Variants in STAT4 observed in about 807,000 individuals in gnomAD.
STAT4 encodes the protein signal transducer and activator of transcription 4.
A neutral mutation model predicts 110.5 loss-of-function variants in STAT4; 42 were observed. The ratio of observed to expected loss-of-function variants is 0.38; its 90% CI spans 0.30 to 0.49. The LOEUF (loss-of-function observed/expected upper bound fraction) is 0.49, where lower values mean the gene tolerates loss of function less well. Among genes scored for constraint, STAT4 ranks in the 20% least tolerant of loss-of-function variants. The pLI, the probability that STAT4 is intolerant of heterozygous loss-of-function variation, is 0.95. For synonymous variants in STAT4, 284 were observed against 302.2 expected (o/e 0.94, Z 0.63); for missense variants, 632 against 887.9 (o/e 0.71, Z 3.66).
At chr2:191,106,040 G>T (rs533323491) in intron 3 of STAT4, among the ~76,000 whole-genome samples, 5 of 152,196 alleles carry the variant, frequency 3.3e-5, no homozygotes, top group Admixed American at 3.3e-4. Flanking sequence ...TGGCTTTTCT[G>T]TTACTAAGGA....
At position 191,043,577 on chromosome 2, in the gene STAT4, C is replaced by T. The variant is rs775588462; in HGVS notation, c.1252-2429G>A. Among the ~76,000 whole-genome samples the T allele has an allele frequency of 6.6e-6, 1 of 151,930 alleles. No individual in the cohort carries two copies. The highest frequency in any genetic ancestry group is 2.4e-5 in the African/African-American group (1 of 41,360). ...GTTGAATCATCTGATTCTGACTCAT[C>T]TGCTACCAAATATATATAGGTCAAA... On this transcript the variant is annotated intron_variant, in intron 14 of 23. Coordinates refer to ENST00000392320, the MANE Select transcript of STAT4 (RefSeq NM_003151.4). This position sits in a 1 kb window ranked among gnomAD's most constrained non-coding sequence, Gnocchi z 4.8.
At position 191,146,601 on chromosome 2, in the gene STAT4, A is replaced by T; in HGVS notation, c.273+12T>A. ...TATCCAAATATTTTGGAAAAGTAGA[A>T]TGCATTCTTACCTGAAGGACCTTCC... On this transcript the variant is annotated intron_variant, in intron 3 of 23. Coordinates refer to ENST00000392320, the MANE Select transcript of STAT4 (RefSeq NM_003151.4). The surrounding 1 kb of genome is among the most constrained non-coding windows in gnomAD (Gnocchi z 4.5). 1 of 1,491,628 alleles carries T rather than the reference A, an allele frequency of 6.7e-7. No individual in the cohort carries two copies. The highest frequency in any genetic ancestry group is 1.4e-5 in the South Asian group (1 of 69,808). The allele number at this position is 1,491,628 out of a possible 1,614,324, so 92.4% of individuals were successfully genotyped here.
At position 191,035,126 on chromosome 2, in the gene STAT4, G is replaced by C. The variant is rs908566018; in HGVS notation, c.1571-529C>G. On this transcript the variant is annotated intron_variant, in intron 17 of 23. Coordinates refer to ENST00000392320, the MANE Select transcript of STAT4 (RefSeq NM_003151.4). This position sits in a 1 kb window ranked among gnomAD's most constrained non-coding sequence, Gnocchi z 4.7. ...TTTTGATCCAGAGCAGTGAAAGGAT[G>C]CAAGAGTTTCCATCTAAATTTTTAA... Among the ~76,000 whole-genome samples the C allele has an allele frequency of 6.6e-6, 1 of 152,188 alleles. No homozygotes were observed. Among genetic ancestry groups the C allele is most frequent in the Non-Finnish European group, 1.5e-5 (1 of 68,024 alleles).
Position 191,113,202 on chromosome 2 carries a change from C to T in STAT4, c.273+33411G>A, listed in dbSNP as rs188466853. Among the ~76,000 whole-genome samples the T allele has an allele frequency of 2.5e-4, 38 of 152,334 alleles. No homozygotes were observed. The highest frequency in any genetic ancestry group is 7.5e-4 in the African/African-American group (31 of 41,578). On this transcript the variant is annotated intron_variant, in intron 3 of 23. Coordinates refer to ENST00000392320, the MANE Select transcript of STAT4 (RefSeq NM_003151.4). This position sits in a 1 kb window ranked among gnomAD's most constrained non-coding sequence, Gnocchi z 4.8. ...CCAGTGCTGGCAGACATTACTGGTGCCACTCATTCATTTGTTCCACAAATT... is the reference window on the plus strand; with the variant it reads ...CCAGTGCTGGCAGACATTACTGGTGTCACTCATTCATTTGTTCCACAAATT...
intron 1 of STAT4, among the ~76,000 whole-genome samples, chr2:191,149,078 C>T (rs530060420): frequency 6.6e-6 from 1 of 152,286 alleles, no homozygotes; most frequent in East Asian, 1.9e-4. Flanking sequence ...ATTAGTATGA[C>T]GCTGCCTCCT....
Position 191,053,020 on chromosome 2 carries a change from T to A in STAT4, c.1251+1470A>T, listed in dbSNP as rs1051936453. The stretch of plus-strand genomic sequence containing the variant: ...AGGCTATGATGTTTGGCAAATGATC[T>A]TTAAGACACAATTAAGGGAATGAAG... On this transcript the variant is annotated intron_variant, in intron 14 of 23. Coordinates refer to ENST00000392320, the MANE Select transcript of STAT4 (RefSeq NM_003151.4). This position sits in a 1 kb window ranked among gnomAD's most constrained non-coding sequence, Gnocchi z 4.5. 3.3e-5 allele frequency among the ~76,000 whole-genome samples: 5 copies of A among 152,194 alleles called. No individual in the cohort carries two copies. The highest frequency in any genetic ancestry group is 7.4e-5 in the Non-Finnish European group (5 of 68,022).
At chr2:191,096,333 C>T (rs1041701953) in intron 3 of STAT4, among the ~76,000 whole-genome samples, 1 of 152,192 alleles carries the variant, frequency 6.6e-6, no homozygotes, top group East Asian at 1.9e-4. Context: ...GAATTTTAGA[C>T]CAATATTTCT....
intron 3 of STAT4, among the ~76,000 whole-genome samples, chr2:191,109,841 A>G (rs1293985124): frequency 6.6e-6 from 1 of 152,162 alleles, no homozygotes; most frequent in African/African-American, 2.4e-5. Flanking sequence ...CAAGTCTCCA[A>G]GGGTCCCATG....
At chr2:191,064,337 A>G (rs1381262404) in intron 8 of STAT4, among the ~76,000 whole-genome samples, 1 of 152,214 alleles carries the variant, frequency 6.6e-6, no homozygotes, top group East Asian at 1.9e-4. Context: ...GTTATTAACT[A>G]CAGTCACCAT....
rs1419536977 is a variant in STAT4 at position 191,140,274 on chromosome 2, A to G, written c.273+6339T>C. Among the ~76,000 whole-genome samples, 1 of 152,254 alleles carries G rather than the reference A, an allele frequency of 6.6e-6. No homozygotes were observed. Among genetic ancestry groups the G allele is most frequent in the Non-Finnish European group, 1.5e-5 (1 of 68,038 alleles). On this transcript the variant is annotated intron_variant, in intron 3 of 23. Coordinates refer to ENST00000392320, the MANE Select transcript of STAT4 (RefSeq NM_003151.4). The surrounding 1 kb of genome is among the most constrained non-coding windows in gnomAD (Gnocchi z 4.4). ...ACCTAATTAACTAAAAAGCTTCTGC[A>G]CAGCAAAAGAAATAATCAGCCAAGT...
At position 191,104,216 on chromosome 2, in the gene STAT4, T is replaced by C. The variant is rs910401470; in HGVS notation, c.274-27891A>G. The stretch of plus-strand genomic sequence containing the variant: ...ATAGAATTATGGATAAATATTTTTT[T>C]CTTTTTGTCCTTCTTCATTTTCCAA... On this transcript the variant is annotated intron_variant, in intron 3 of 23. Coordinates refer to ENST00000392320, the MANE Select transcript of STAT4 (RefSeq NM_003151.4). This position sits in a 1 kb window ranked among gnomAD's most constrained non-coding sequence, Gnocchi z 4.3. Among the ~76,000 whole-genome samples the C allele has an allele frequency of 6.6e-6, 1 of 152,254 alleles. No homozygotes were observed. The highest frequency in any genetic ancestry group is 1.5e-5 in the Non-Finnish European group (1 of 68,038).
At chr2:191,105,822 T>C (rs1266249171) in intron 3 of STAT4, among the ~76,000 whole-genome samples, 2 of 152,232 alleles carry the variant, frequency 1.3e-5, no homozygotes, top group Non-Finnish European at 2.9e-5. Flanking sequence ...TTCTCTGTCA[T>C]GGACAGTTAG....
chr2:191,029,765 TGTG>T lies in STAT4; in HGVS notation c.*72_*74del. On this transcript the variant is annotated 3_prime_UTR_variant, in exon 24 of 24. Transcript: ENST00000392320. The surrounding 1 kb of genome is among the most constrained non-coding windows in gnomAD (Gnocchi z 4.5). ...TATTTACAAAGCTGAAGAAATAAAA[TGTG>T]GTTATTGGGCAAAGAACAGTCTTTA... is the stretch of plus-strand genomic sequence containing the variant. 3.0e-6 allele frequency: 4 copies of T among 1,317,242 alleles called. No individual in the cohort carries two copies. Among genetic ancestry groups the T allele is most frequent in the Non-Finnish European group, 4.3e-6 (4 of 931,670 alleles). The allele number at this position is 1,317,242 out of a possible 1,614,324, so 81.6% of individuals were successfully genotyped here.
In STAT4 at chr2:191,031,545, G is replaced by GA. The variant is rs567405205; in HGVS notation, c.2045-30dup. 4.4e-6 allele frequency: 7 copies of GA among 1,585,598 alleles called. No individual in the cohort carries two copies. The highest frequency in any genetic ancestry group is 1.7e-4 in the Middle Eastern group (1 of 5,954). On this transcript the variant is annotated intron_variant, in intron 21 of 23. Coordinates refer to ENST00000392320, the MANE Select transcript of STAT4 (RefSeq NM_003151.4). This position sits in a 1 kb window ranked among gnomAD's most constrained non-coding sequence, Gnocchi z 4.8. ...GAAAACAAAAAGGCACAATGTTGGG[G>GA]AAAAAAATGTCAATATTATCAATAA...
At chr2:191,069,820 T>C (rs1697093155) in intron 5 of STAT4, 49 bp from the exon 6 acceptor site, 1 of 1,426,328 alleles carries the variant, frequency 7.0e-7, no homozygotes, top group Non-Finnish European at 9.7e-7. Context: ...ATTAAGCATG[T>C]CAATCAAACA....
chr2:191,102,969 C>T (rs952718009), intron 3 of STAT4, among the ~76,000 whole-genome samples: 3 of 152,270 alleles, frequency 2.0e-5, no homozygotes, highest in African/African-American at 7.2e-5. Context: ...CAACTATGCC[C>T]AACATGGATT....
At position 191,066,213 on chromosome 2, in the gene STAT4, A is replaced by C. The variant is rs1318790910; in HGVS notation, c.630+217T>G. Among the ~76,000 whole-genome samples, 1 of 152,202 alleles carries C rather than the reference A, an allele frequency of 6.6e-6. No homozygotes were observed. On this transcript the variant is annotated intron_variant, in intron 7 of 23. Transcript: ENST00000392320. This position sits in a 1 kb window ranked among gnomAD's most constrained non-coding sequence, Gnocchi z 4.3. Reference sequence around the variant, plus strand: ...TAATGTTAGCTACAGTAAATGTATCACATAAGCAAGATAAATAGGCTCTAA... The same window carrying C: ...TAATGTTAGCTACAGTAAATGTATCCCATAAGCAAGATAAATAGGCTCTAA...
intron 14 of STAT4, among the ~76,000 whole-genome samples, chr2:191,045,550 G>A (rs1696325131): frequency 6.6e-6 from 1 of 152,202 alleles, no homozygotes; most frequent in Non-Finnish European, 1.5e-5. Flanking sequence ...GGGGTTGGAG[G>A]TGGCAGGGTC....
rs111534558 is a variant in STAT4, at chr2:191,096,860, T to A, written c.274-20535A>T. 8.1e-3 allele frequency among the ~76,000 whole-genome samples: 1,230 copies of A among 152,304 alleles called. 18 individuals are homozygous for A. The highest frequency in any genetic ancestry group is 0.029 in the African/African-American group (1,188 of 41,562). ...TGTTTGCAGATAACATGATTGTATA[T>A]TTAGAAAACCCCATCGTCTCAGCCC... is the stretch of plus-strand genomic sequence containing the variant. On this transcript the variant is annotated intron_variant, in intron 3 of 23. Transcript: ENST00000392320.
Sources: allele counts gnomAD v4.1 joint callset (sites outside exome capture counted in the v4.1 genomes callset), GRCh38; gene constraint gnomAD v4.1.1; non-coding constraint Gnocchi (gnomAD v3.1); transcripts MANE v1.5; gene names NCBI Gene and HGNC (gene_info 2026-07-23, HGNC 2026-07-21).